The following IL4R variants were observed in gnomAD, a reference collection of about 807,000 sequenced individuals.
The protein encoded by IL4R is interleukin 4 receptor.
In IL4R, 17 loss-of-function variants were observed where a neutral mutation model predicts 41.5. That is an observed-to-expected ratio of 0.41 (90% CI 0.28 to 0.61). The LOEUF (loss-of-function observed/expected upper bound fraction) is 0.61. Among genes scored for constraint, IL4R ranks in the 20% least tolerant of loss-of-function variants. IL4R has a pLI of 0.31. For synonymous variants in IL4R, 402 were observed against 422.9 expected (o/e 0.95, Z 0.61); for missense variants, 974 against 1,043.1 (o/e 0.93, Z 0.91).
At chr16:27,356,574 T>G (rs2086087829) in intron 8 of IL4R, among the ~76,000 whole-genome samples, 1 of 151,944 alleles carries the variant, frequency 6.6e-6, no homozygotes, top group Non-Finnish European at 1.5e-5. Context: ...GAGGGAAAAT[T>G]TGAGGGGGGC....
Position 27,363,143 on chromosome 16 carries a change from C to T in IL4R, c.1791C>T (p.Pro597=). The part of the protein sequence containing the change: ...TQASAVVGLG[P]PGEAGYKAFS... ...CCAGTGCGGTGGTGGGCTTGGGTCC[C>T]CCAGGAGAGGCTGGTTACAAGGCCT... is the stretch of plus-strand genomic sequence containing the variant. Residue 597 remains proline, a synonymous_variant, in exon 11 of 11, where the codon CCC becomes CCT. Coordinates refer to ENST00000395762, the MANE Select transcript of IL4R (RefSeq NM_000418.4). The T allele has an allele frequency of 6.2e-7, 1 of 1,613,476 alleles. No homozygotes were observed. The highest frequency in any genetic ancestry group is 1.1e-5 in the South Asian group (1 of 91,022).
rs185636101 is a variant in IL4R at position 27,317,552 on chromosome 16, G to A, written c.-152+3532G>A. Among the ~76,000 whole-genome samples, 828 of 152,266 alleles carry A rather than the reference G, an allele frequency of 5.4e-3. 7 individuals carry two copies. The highest frequency in any genetic ancestry group is 0.037 in the Middle Eastern group (11 of 294). Reference sequence around the variant, plus strand: ...GCCCTTGGTGAATGTGGATCGGAGCGCCCCGGCAGAGGCTTGAGGTGCTAC... The same window carrying A: ...GCCCTTGGTGAATGTGGATCGGAGCACCCCGGCAGAGGCTTGAGGTGCTAC... On this transcript the variant is annotated intron_variant, in intron 1 of 10. Coordinates refer to ENST00000395762, the MANE Select transcript of IL4R (RefSeq NM_000418.4).
chr16:27,363,314 C>T lies in IL4R; in HGVS notation c.1962C>T (p.Thr654=). The change falls in exon 11 of 11, where the codon ACC becomes ACT. Residue 654 remains threonine, a synonymous_variant. Coordinates refer to ENST00000395762, the MANE Select transcript of IL4R (RefSeq NM_000418.4). ...DPAPVPVPLF[T]FGLDREPPRS... is the part of the protein sequence containing the mutation. ...CCCCAGTCCCTGTCCCCTTGTTCAC[C>T]TTTGGACTGGACAGGGAGCCACCTC... The T allele has an allele frequency of 1.2e-6, 2 of 1,612,262 alleles. No individual in the cohort carries two copies. The highest frequency in any genetic ancestry group is 1.1e-5 in the South Asian group (1 of 90,728).
At chr16:27,357,007 T>C (rs2086103079) in intron 8 of IL4R, among the ~76,000 whole-genome samples, 1 of 152,088 alleles carries the variant, frequency 6.6e-6, no homozygotes, top group South Asian at 2.1e-4. Flanking sequence ...ATCTCTGAAA[T>C]GGGACTAGCA....
At chr16:27,360,645 T>TG (rs1397219247) in intron 9 of IL4R, 121 bp from the exon 10 acceptor site, 4 of 1,156,230 alleles carry the variant, frequency 3.5e-6, no homozygotes, top group Non-Finnish European at 5.2e-6. Flanking sequence ...AAAGCGTAAG[T>TG]GACCTGTTGG....
At chr16:27,361,610 CT>C (rs34798776) in intron 10 of IL4R, among the ~76,000 whole-genome samples, 20,544 of 111,618 alleles carry the variant, frequency 0.18, 1,356 homozygotes, top group East Asian at 0.27. Context: ...GATCCCGCAT[CT>C]TTTTTTTTTT....
intron 4 of IL4R, among the ~76,000 whole-genome samples, chr16:27,342,965 T>C (rs1428086068): frequency 6.6e-6 from 1 of 152,212 alleles, no homozygotes; most frequent in Non-Finnish European, 1.5e-5. Flanking sequence ...GAGTTTTACC[T>C]GGTGGGCCCA....
intron 2 of IL4R, among the ~76,000 whole-genome samples, chr16:27,332,345 G>A (rs538722470): frequency 2.6e-5 from 4 of 152,022 alleles, no homozygotes; most frequent in South Asian, 2.1e-4. Flanking sequence ...CCAAGGAAAG[G>A]GGGGGAAAGC....
chr16:27,322,030 A>G (rs1596750608), intron 1 of IL4R, among the ~76,000 whole-genome samples: 1 of 151,006 alleles, frequency 6.6e-6, no homozygotes, highest in Non-Finnish European at 1.5e-5. Context: ...TCTGTTGGGT[A>G]TAAGGTTCTA....
intron 1 of IL4R, among the ~76,000 whole-genome samples, chr16:27,322,844 T>A (rs2084853727): frequency 6.6e-6 from 1 of 152,192 alleles, no homozygotes; most frequent in African/African-American, 2.4e-5. Context: ...AACAGCAGCC[T>A]TGCAACCAGC....
chr16:27,362,920 T>G lies in IL4R; in HGVS notation c.1568T>G (p.Leu523Arg), dbSNP rs779667516. 1 of 1,614,104 alleles carries G rather than the reference T, an allele frequency of 6.2e-7. No homozygotes were observed. Among genetic ancestry groups the G allele is most frequent in the Admixed American group, 1.7e-5 (1 of 60,030 alleles). Residue 523 changes from leucine (L) to arginine (R), a missense_variant, in exon 11 of 11, where the codon CTG becomes CGG. Transcript: ENST00000395762. ...LGPDPLLARH[L>R]EEVEPEMPCV... Reference sequence around the variant, plus strand: ...CCAGACCCACTGCTGGCCAGACACCTGGAGGAAGTAGAACCCGAGATGCCC... The same window carrying G: ...CCAGACCCACTGCTGGCCAGACACCGGGAGGAAGTAGAACCCGAGATGCCC...
At chr16:27,360,480 T>G (rs1032121151) in intron 9 of IL4R, among the ~76,000 whole-genome samples, 1 of 152,212 alleles carries the variant, frequency 6.6e-6, no homozygotes, top group African/African-American at 2.4e-5. Flanking sequence ...ATCACTTCCA[T>G]CACATTCTAT....
intron 6 of IL4R, among the ~76,000 whole-genome samples, chr16:27,347,945 G>C (rs1207591693): frequency 6.6e-6 from 1 of 152,224 alleles, no homozygotes; most frequent in Non-Finnish European, 1.5e-5. Context: ...TCTCTTGAGT[G>C]CCCCAGGCCA....
chr16:27,318,014 T>C (rs2084696189), intron 1 of IL4R, among the ~76,000 whole-genome samples: 1 of 152,206 alleles, frequency 6.6e-6, no homozygotes, highest in South Asian at 2.1e-4. Context: ...TAGATTCTAG[T>C]TGAGCATACA....
Position 27,333,190 on chromosome 16 carries a change from C to T in IL4R, c.-19+2992C>T, listed in dbSNP as rs62029991. ...ATGGATACCTCTGTTAATATGACCT[C>T]GGGTGACTCTTTTTTTTTTTTTAAG... On this transcript the variant is annotated intron_variant, in intron 2 of 10. Transcript: ENST00000395762. Among the ~76,000 whole-genome samples, 1,031 of 149,556 alleles carry T rather than the reference C, an allele frequency of 6.9e-3. 20 individuals are homozygous for T. The highest frequency in any genetic ancestry group is 0.017 in the Middle Eastern group (5 of 292).
Position 27,362,490 on chromosome 16 carries a change from G to C in IL4R, c.1138G>C (p.Glu380Gln). 6.2e-7 allele frequency: 1 copy of C among 1,614,152 alleles called. No homozygotes were observed. The highest frequency in any genetic ancestry group is 1.1e-5 in the South Asian group (1 of 91,088). ...TGAGGAGGAGGAGGAGGTAGAGGAA[G>C]AAAAAGGGAGCTTCTGTGCATCGCC... ...ECEEEEEVEE[E>Q]KGSFCASPES... is the part of the protein sequence containing the mutation. The change falls in exon 11 of 11, where the codon GAA becomes CAA. Residue 380 changes from glutamate to glutamine, a missense_variant. Transcript: ENST00000395762.
rs149213624 is a variant in IL4R, at chr16:27,363,053, C to T, written c.1701C>T (p.Pro567=). Reference sequence around the variant, plus strand: ...TCCAGCATGGGGCAGCTGCAGCCCCCGTCTCGGCCCCCACCAGTGGCTATC... The same window carrying T: ...TCCAGCATGGGGCAGCTGCAGCCCCTGTCTCGGCCCCCACCAGTGGCTATC... ...NVLQHGAAAA[P]VSAPTSGYQE... The change falls in exon 11 of 11, where the codon CCC becomes CCT. Residue 567 remains proline, a synonymous_variant. Transcript: ENST00000395762. 2.5e-4 allele frequency: 403 copies of T among 1,614,128 alleles called. 4 individuals carry two copies. Among genetic ancestry groups the T allele is most frequent in the African/African-American group, 2.4e-3 (178 of 75,056 alleles).
chr16:27,353,189 G>A (rs2085939902), intron 7 of IL4R, among the ~76,000 whole-genome samples: 1 of 152,306 alleles, frequency 6.6e-6, no homozygotes, highest in South Asian at 2.1e-4. Flanking sequence ...CAGGCATGGT[G>A]GCATGCACCT....
rs551837493 is a variant in IL4R, at chr16:27,317,476, T to C, written c.-152+3456T>C. 2.0e-5 allele frequency among the ~76,000 whole-genome samples: 3 copies of C among 152,250 alleles called. No individual in the cohort carries two copies. The South Asian group carries it at 6.2e-4, about 32-fold the overall frequency. ...CAGCCACGTTTAGCTAGACTTACCA[T>C]GGCTGGGCTAGAAGAGAGGCCAGGA... On this transcript the variant is annotated intron_variant, in intron 1 of 10. Coordinates refer to ENST00000395762, the MANE Select transcript of IL4R (RefSeq NM_000418.4).
Sources: gnomAD v4.1 joint callset for allele counts (sites outside exome capture counted in the v4.1 genomes callset) on GRCh38, gnomAD v4.1.1 for gene constraint, MANE v1.5 for transcripts, NCBI Gene and HGNC (gene_info 2026-07-23, HGNC 2026-07-21) for gene names.